Variants in AGBL4 observed in about 807,000 individuals in gnomAD.
AGBL4 encodes AGBL carboxypeptidase 4.
In AGBL4, 58 loss-of-function variants were observed where a neutral mutation model predicts 66.4. The ratio of observed to expected loss-of-function variants is 0.87; its 90% CI spans 0.71 to 1.09. AGBL4 has a LOEUF of 1.09. Among genes scored for constraint, AGBL4 ranks in the 50% least tolerant of loss-of-function variants. The pLI, the probability that AGBL4 is intolerant of heterozygous loss-of-function variation, is 0.00. For synonymous variants in AGBL4, 234 were observed against 222.9 expected (o/e 1.05, Z -0.44); for missense variants, 579 against 631.0 (o/e 0.92, Z 0.88).
intron 3 of AGBL4, among the ~76,000 whole-genome samples, chr1:49,536,931 C>T (rs936300790): frequency 6.6e-6 from 1 of 151,734 alleles, no homozygotes; most frequent in East Asian, 1.9e-4. Flanking sequence ...CACTTAAACC[C>T]GGGAGCTGGA....
intron 1 of AGBL4, among the ~76,000 whole-genome samples, chr1:49,923,576 C>G (rs2148245925): frequency 6.6e-6 from 1 of 151,980 alleles, no homozygotes; most frequent in East Asian, 1.9e-4. Flanking sequence ...TGACTAAGGT[C>G]TAATATCAAG....
intron 2 of AGBL4, among the ~76,000 whole-genome samples, chr1:49,778,525 A>G (rs1412943071): frequency 6.6e-6 from 1 of 152,194 alleles, no homozygotes; most frequent in Non-Finnish European, 1.5e-5. Flanking sequence ...GTGGTGAGCA[A>G]TAAAGAGGGA....
chr1:48,710,318 A>G (rs1258524217), intron 6 of AGBL4, among the ~76,000 whole-genome samples: 1 of 152,212 alleles, frequency 6.6e-6, no homozygotes, highest in Admixed American at 6.5e-5. Context: ...CTGTACTTAC[A>G]GTGCCATGGA....
chr1:48,945,886 T>C (rs182521108), intron 5 of AGBL4, among the ~76,000 whole-genome samples: 34 of 152,340 alleles, frequency 2.2e-4, no homozygotes, highest in African/African-American at 7.9e-4. Context: ...TTTCCTCATC[T>C]GAAAAATGGG....
chr1:48,836,337 G>A (rs1015259715), intron 6 of AGBL4, among the ~76,000 whole-genome samples: 1 of 150,514 alleles, frequency 6.6e-6, no homozygotes, highest in South Asian at 2.1e-4. Flanking sequence ...GCAAACCATA[G>A]GATTAGGTAA....
At chr1:49,634,674 CCAA>C (rs1485382669) in intron 3 of AGBL4, among the ~76,000 whole-genome samples, 1 of 152,168 alleles carries the variant, frequency 6.6e-6, no homozygotes, top group Non-Finnish European at 1.5e-5. Context: ...ATTTACACTC[CCAA>C]CAACAGTGTA....
intron 7 of AGBL4, among the ~76,000 whole-genome samples, chr1:48,660,017 C>G (rs566890397): frequency 1.1e-4 from 16 of 152,294 alleles, no homozygotes; most frequent in African/African-American, 3.9e-4. Flanking sequence ...AGGGGAGGAG[C>G]TGGGATTCAT....
At chr1:48,571,168 T>C (rs570518941) in intron 11 of AGBL4, among the ~76,000 whole-genome samples, 1 of 152,214 alleles carries the variant, frequency 6.6e-6, no homozygotes. Context: ...AGATAAGATA[T>C]ATGAAGTTCA....
intron 2 of AGBL4, among the ~76,000 whole-genome samples, chr1:49,776,501 T>C (rs1177222801): frequency 6.6e-6 from 1 of 152,154 alleles, no homozygotes; most frequent in Non-Finnish European, 1.5e-5. Flanking sequence ...AATACCACTC[T>C]GGCTTCATCT....
intron 3 of AGBL4, among the ~76,000 whole-genome samples, chr1:49,569,278 A>G (rs973594376): frequency 1.3e-5 from 2 of 152,142 alleles, no homozygotes; most frequent in Middle Eastern, 3.2e-3. Context: ...GGGTACCATA[A>G]AACCTAGAAA....
intron 5 of AGBL4, among the ~76,000 whole-genome samples, chr1:48,972,187 G>A (rs1418777675): frequency 2.6e-5 from 4 of 152,060 alleles, no homozygotes; most frequent in South Asian, 2.1e-4. Flanking sequence ...AAGTCCCCAC[G>A]CCTAGTTGCT....
chr1:49,779,755 T>A (rs765371192), intron 2 of AGBL4, among the ~76,000 whole-genome samples: 1 of 152,124 alleles, frequency 6.6e-6, no homozygotes, highest in African/African-American at 2.4e-5. Context: ...AAAATCCTTA[T>A]AATTGCCTGT....
chr1:49,045,754 G>A lies in AGBL4; in HGVS notation c.424C>T (p.His142Tyr). Residue 142 changes from histidine (H) to tyrosine (Y), a missense_variant, in exon 5 of 14, where the codon CAT (histidine) becomes TAT (tyrosine). Coordinates refer to ENST00000371839, the MANE Select transcript of AGBL4 (RefSeq NM_032785.4). ...AAGGACATCACATAGTTCTTCCTAT[G>A]GTCCGGGCAGCGGTAGTAGTAAACA... is the stretch of plus-strand genomic sequence containing the variant. ...KNVYYYRCPD[H>Y]RKNYVMSFAF... 2 of 1,551,684 alleles carry A rather than the reference G, an allele frequency of 1.3e-6. No homozygotes were observed. Among genetic ancestry groups the A allele is most frequent in the Non-Finnish European group, 1.7e-6 (2 of 1,146,864 alleles).
At chr1:49,542,246 G>A (rs1652102654) in intron 3 of AGBL4, among the ~76,000 whole-genome samples, 1 of 152,170 alleles carries the variant, frequency 6.6e-6, no homozygotes, top group South Asian at 2.1e-4. Flanking sequence ...GTGGCAACCT[G>A]CTCAGGTCCA....
chr1:49,264,909 A>G (rs1425485895), intron 3 of AGBL4, among the ~76,000 whole-genome samples: 1 of 152,190 alleles, frequency 6.6e-6, no homozygotes, highest in Non-Finnish European at 1.5e-5. Flanking sequence ...GCAAATCTCT[A>G]GTGAATGTTT....
At chr1:49,328,555 T>C (rs947109296) in intron 3 of AGBL4, among the ~76,000 whole-genome samples, 1 of 152,230 alleles carries the variant, frequency 6.6e-6, no homozygotes, top group Non-Finnish European at 1.5e-5. Flanking sequence ...GTCACTTCTA[T>C]ATTAATAACT....
intron 4 of AGBL4, among the ~76,000 whole-genome samples, chr1:49,141,145 C>T (rs1436626890): frequency 1.3e-5 from 2 of 151,970 alleles, no homozygotes; most frequent in African/African-American, 2.4e-5. Context: ...TTCAGTGTAA[C>T]AAACATTGCA....
intron 6 of AGBL4, among the ~76,000 whole-genome samples, chr1:48,730,837 G>A (rs1422746409): frequency 2.0e-5 from 3 of 152,220 alleles, no homozygotes; most frequent in South Asian, 2.1e-4. Context: ...TAACCGGAAC[G>A]CAATGCTGAG....
intron 9 of AGBL4, among the ~76,000 whole-genome samples, chr1:48,593,853 C>T (rs925915253): frequency 5.3e-5 from 8 of 152,206 alleles, no homozygotes; most frequent in Non-Finnish European, 1.2e-4. Flanking sequence ...ACAGACTGAC[C>T]TTAGAAAGGC....
Sources: allele counts gnomAD v4.1 joint callset (sites outside exome capture counted in the v4.1 genomes callset), GRCh38; gene constraint gnomAD v4.1.1; transcripts MANE v1.5; gene names NCBI Gene and HGNC (gene_info 2026-07-23, HGNC 2026-07-21).